Variants in COLQ observed in about 807,000 individuals in gnomAD.
COLQ encodes the protein acetylcholinesterase collagenic tail peptide.
Under a neutral mutation model 69.0 loss-of-function variants are expected in COLQ, and 48 were observed. That is an observed-to-expected ratio of 0.70 (90% CI 0.55 to 0.88). COLQ has a LOEUF of 0.88. Among genes scored for constraint, COLQ ranks in the 40% least tolerant of loss-of-function variants. The pLI is 0.00. For synonymous variants in COLQ, 217 were observed against 211.2 expected, an observed-to-expected ratio of 1.03 and a Z score of -0.24; for missense variants, 618 against 594.6, an observed-to-expected ratio of 1.04 and a Z score of -0.41.
At chr3:15,456,915 C>T (rs1005047330) in intron 13 of COLQ, among the ~76,000 whole-genome samples, 1 of 151,846 alleles carries the variant, frequency 6.6e-6, no homozygotes, top group African/African-American at 2.4e-5. Flanking sequence ...CTCTGCCTCC[C>T]GGGTTCAAGC....
At position 15,517,891 on chromosome 3, in the gene COLQ, C is replaced by T. The variant is rs145471662; in HGVS notation, c.106+3629G>A. 3.3e-5 allele frequency among the ~76,000 whole-genome samples: 5 copies of T among 152,292 alleles called. No individual in the cohort carries two copies. The East Asian group carries it at 7.7e-4, about 24-fold the overall frequency. On this transcript the variant is annotated intron_variant, in intron 1 of 16. Coordinates refer to ENST00000383788, the MANE Select transcript of COLQ (RefSeq NM_005677.4). ...CCAGTTAATGTACTGTAGTCAATGA[C>T]GCCTTCAGGGGTTACAGACAGAGCA...
intron 1 of COLQ, among the ~76,000 whole-genome samples, chr3:15,493,502 G>A (rs866891826): frequency 2.6e-5 from 4 of 152,126 alleles, no homozygotes; most frequent in East Asian, 3.9e-4. Context: ...CCTCTTTGGC[G>A]TCTTCACGCC....
At position 15,458,197 on chromosome 3, in the gene COLQ, G is replaced by A. The variant is rs121908924; in HGVS notation, c.943C>T (p.Arg315Ter). Reference protein sequence around the residue: ...GESVYGPSSPRVPVIFVVNNQ... With the variant: ...GESVYGPSSP ...CCAGAAAGCCTTACCACAGGAACTC[G>A]CGGGGAACTGGGCCCATACACAGAT... is the stretch of plus-strand genomic sequence containing the variant. Residue 315 changes from arginine (R) to a stop codon, truncating the protein, a stop_gained, in exon 13 of 17, where the codon CGA (arginine) becomes TGA (stop). Coordinates refer to ENST00000383788, the MANE Select transcript of COLQ (RefSeq NM_005677.4). LOFTEE classifies it high-confidence loss of function. The A allele has an allele frequency of 1.1e-5, 18 of 1,613,612 alleles. No individual in the cohort carries two copies. Among genetic ancestry groups the A allele is most frequent in the African/African-American group, 1.3e-5 (1 of 74,904 alleles).
chr3:15,477,196 C>T lies in COLQ; in HGVS notation c.395G>A (p.Gly132Asp), dbSNP rs1272787369. The change falls in exon 6 of 17, where the codon GGT (glycine) becomes GAT (aspartate). Residue 132 changes from glycine (G) to aspartate (D), a missense_variant and splice_region_variant. Physicochemically the swap from Gly to Asp is moderately conservative, Grantham distance 94. Transcript: ENST00000383788. Reference sequence around the variant, plus strand: ...AGGAACACCTGGGGGGCCAGGTCTACCCTTCAAAGACCAAGAACAAAAGTC... The same window carrying T: ...AGGAACACCTGGGGGGCCAGGTCTATCCTTCAAAGACCAAGAACAAAAGTC... Reference protein sequence around the residue: ...KGELGRPGRKGRPGPPGVPGM... With the variant: ...KGELGRPGRKDRPGPPGVPGM... The T allele has an allele frequency of 1.2e-6, 2 of 1,604,904 alleles. No homozygotes were observed. The highest frequency in any genetic ancestry group is 1.7e-6 in the Non-Finnish European group (2 of 1,176,038).
intron 8 of COLQ, 24 bp from the exon 9 acceptor site, chr3:15,474,296 G>A: frequency 6.2e-7 from 1 of 1,612,336 alleles, no homozygotes; most frequent in Non-Finnish European, 8.5e-7. Flanking sequence ...ATAGGAGAAA[G>A]TCAATGAGTT....
intron 2 of COLQ, 68 bp from the exon 3 acceptor site, chr3:15,488,375 A>T: frequency 7.7e-7 from 1 of 1,302,528 alleles, no homozygotes; most frequent in Middle Eastern, 1.9e-4. Flanking sequence ...ACCATCCTGG[A>T]CACAGACCTG....
chr3:15,456,750 C>T (rs1038828598), intron 13 of COLQ, among the ~76,000 whole-genome samples, 171 bp from the exon 14 acceptor site: 1 of 152,180 alleles, frequency 6.6e-6, no homozygotes, highest in African/African-American at 2.4e-5. Flanking sequence ...TCTTGATTCC[C>T]TCATCTTCTC....
At chr3:15,456,158 T>A (rs772677620) in intron 14 of COLQ, 139 bp from the exon 15 acceptor site, 14 of 1,077,154 alleles carry the variant, frequency 1.3e-5, no homozygotes, top group Non-Finnish European at 1.9e-5. Context: ...AAGGTACTCC[T>A]TTCCTGTTGC....
chr3:15,521,475 G>A, intron 1 of COLQ, 45 bp downstream of exon 1: 1 of 1,611,544 alleles, frequency 6.2e-7, no homozygotes, highest in South Asian at 1.1e-5. Context: ...TCCTCCCCCT[G>A]TCCCCTGACA....
intron 11 of COLQ, among the ~76,000 whole-genome samples, chr3:15,469,423 G>A (rs188199260): frequency 6.4e-4 from 97 of 152,202 alleles, no homozygotes; most frequent in African/African-American, 2.3e-3. Flanking sequence ...TTTTTTATCT[G>A]AGCCTACTTT....
intron 12 of COLQ, among the ~76,000 whole-genome samples, chr3:15,459,571 C>T (rs1271568967): frequency 6.6e-6 from 1 of 150,584 alleles, no homozygotes; most frequent in African/African-American, 2.5e-5. Context: ...CTCCGCCTCT[C>T]AGGTTCAAGT....
In COLQ at chr3:15,473,741, A is replaced by C. The variant is rs146492674; in HGVS notation, c.636+259T>G. 3.6e-3 allele frequency among the ~76,000 whole-genome samples: 549 copies of C among 152,234 alleles called. 1 individual carries two copies. Among genetic ancestry groups the C allele is most frequent in the African/African-American group, 9.5e-3 (396 of 41,526 alleles). ...GAGGTAGGAAAAGCAAAAAAGCAAA[A>C]AAACAAACAAACAAACAAAAACCCA... On this transcript the variant is annotated intron_variant, in intron 10 of 16. Transcript: ENST00000383788. This position sits in a 1 kb window ranked among gnomAD's most constrained non-coding sequence, Gnocchi z 4.0.
intron 1 of COLQ, among the ~76,000 whole-genome samples, chr3:15,519,217 T>A (rs1021882350): frequency 6.6e-6 from 1 of 152,144 alleles, no homozygotes; most frequent in African/African-American, 2.4e-5. Context: ...ATGACCACAT[T>A]CCCAGCCAGA....
intron 12 of COLQ, among the ~76,000 whole-genome samples, chr3:15,464,927 G>A (rs936437167): frequency 6.6e-6 from 1 of 152,234 alleles, no homozygotes; most frequent in Non-Finnish European, 1.5e-5. Context: ...TGTATTCCCA[G>A]CACTTTGGGA....
At chr3:15,485,827 A>T (rs2062563552) in intron 3 of COLQ, among the ~76,000 whole-genome samples, 2 of 152,182 alleles carry the variant, frequency 1.3e-5, no homozygotes, top group Admixed American at 6.5e-5. Context: ...GCATGATGGT[A>T]TGTGCACCTG....
At chr3:15,508,636 T>C (rs571749729) in intron 1 of COLQ, among the ~76,000 whole-genome samples, 1 of 152,204 alleles carries the variant, frequency 6.6e-6, no homozygotes, top group South Asian at 2.1e-4. Flanking sequence ...AAATTATTCA[T>C]CAAATAATTC....
chr3:15,484,909 A>T (rs1379925238), intron 3 of COLQ, among the ~76,000 whole-genome samples: 4 of 152,208 alleles, frequency 2.6e-5, no homozygotes, highest in Non-Finnish European at 5.9e-5. Flanking sequence ...CATCAAAGTC[A>T]TTCTCTGTCC....
intron 14 of COLQ, 123 bp from the exon 15 acceptor site, chr3:15,456,142 G>T: frequency 8.4e-7 from 1 of 1,186,504 alleles, no homozygotes; most frequent in Non-Finnish European, 1.2e-6. Context: ...CCTCCCAGGG[G>T]TGGGAAAGGT....
chr3:15,490,001 T>C (rs1233072389), intron 1 of COLQ, among the ~76,000 whole-genome samples: 2 of 152,214 alleles, frequency 1.3e-5, no homozygotes, highest in African/African-American at 2.4e-5. Context: ...TGCTTGCTAA[T>C]AACTTTAATA....
Sources: gnomAD v4.1 joint callset for allele counts (sites outside exome capture counted in the v4.1 genomes callset) on GRCh38, gnomAD v4.1.1 for gene constraint, Gnocchi (gnomAD v3.1) non-coding constraint, MANE v1.5 for transcripts, NCBI Gene and HGNC (gene_info 2026-07-23, HGNC 2026-07-21) for gene names.